The following NEK11 variants were observed in gnomAD, a reference collection of about 807,000 sequenced individuals.
NEK11 encodes serine/threonine-protein kinase Nek11.
A neutral mutation model predicts 80.7 loss-of-function variants in NEK11; 72 were observed. The observed-to-expected ratio is 0.89, with a 90% CI of 0.74 to 1.08. NEK11 has a LOEUF of 1.08. Among genes scored for constraint, NEK11 ranks in the 50% least tolerant of loss-of-function variants. The pLI is 0.00. For missense variants in NEK11, 764 were observed against 763.6 expected (o/e 1.00, Z -0.01); for synonymous variants, 251 against 260.7 (o/e 0.96, Z 0.36).
At chr3:131,301,902 AT>A in intron 17 of NEK11, among the ~76,000 whole-genome samples, 1 of 152,010 alleles carries the variant, frequency 6.6e-6, no homozygotes, top group Non-Finnish European at 1.5e-5. Context: ...CTCCTCCTTA[AT>A]TTTTTGGAAT....
At chr3:131,244,589 C>T (rs1420420934) in intron 16 of NEK11, among the ~76,000 whole-genome samples, 1 of 151,942 alleles carries the variant, frequency 6.6e-6, no homozygotes, top group Non-Finnish European at 1.5e-5. Flanking sequence ...CAGAGTCTAA[C>T]ACTGTGTCTG....
chr3:131,152,634 G>A lies in NEK11; in HGVS notation c.801G>A (p.Met267Ile), dbSNP rs1323662645. ...PKELNAIMES[M>I]LNKNPSLRPS... ...ATTTTCTGTTTAAACATTACAGCAT[G>A]TTGAACAAGAATCCTTCATTAAGAC... The change falls in exon 9 of 18, where the codon ATG (methionine) becomes ATA (isoleucine). Residue 267 changes from methionine (M) to isoleucine (I), a missense_variant. Physicochemically the swap from Met to Ile is conservative, Grantham distance 10. Transcript: ENST00000383366. The A allele has an allele frequency of 2.5e-6, 4 of 1,612,956 alleles. No homozygotes were observed. Among genetic ancestry groups the A allele is most frequent in the Non-Finnish European group, 3.4e-6 (4 of 1,179,518 alleles).
intron 7 of NEK11, among the ~76,000 whole-genome samples, chr3:131,143,136 TAAG>T (rs1195739794): frequency 6.6e-6 from 1 of 152,186 alleles, no homozygotes; most frequent in African/African-American, 2.4e-5. Flanking sequence ...TTTGTAGAAA[TAAG>T]AACATTTCTA....
intron 14 of NEK11, among the ~76,000 whole-genome samples, chr3:131,196,776 C>T (rs1350187098): frequency 2.0e-5 from 3 of 151,954 alleles, no homozygotes; most frequent in Non-Finnish European, 4.4e-5. Flanking sequence ...TGTGATCCGC[C>T]CTCCCAAAGT....
intron 17 of NEK11, chr3:131,329,992 G>A (rs889516834): frequency 1.3e-5 from 2 of 152,318 alleles, no homozygotes; most frequent in African/African-American, 4.8e-5. Context: ...ACAATAGACT[G>A]TAGAGTAGTG....
intron 3 of NEK11, among the ~76,000 whole-genome samples, chr3:131,057,732 G>GT (rs1224531805): frequency 6.6e-6 from 1 of 151,310 alleles, no homozygotes; most frequent in Non-Finnish European, 1.5e-5. Flanking sequence ...TTTTGATGGG[G>GT]TTGTTTGTTT....
chr3:131,227,994 A>G (rs1190480067), intron 14 of NEK11, among the ~76,000 whole-genome samples: 1 of 152,172 alleles, frequency 6.6e-6, no homozygotes, highest in Non-Finnish European at 1.5e-5. Flanking sequence ...ATTACCTGTT[A>G]GAAAAGAATT....
intron 14 of NEK11, among the ~76,000 whole-genome samples, chr3:131,215,562 A>T (rs1171747008): frequency 6.6e-6 from 1 of 152,134 alleles, no homozygotes; most frequent in Non-Finnish European, 1.5e-5. Flanking sequence ...GTGCATGTAG[A>T]TATGGTGTAA....
chr3:131,146,472 T>C (rs2088298969), intron 7 of NEK11, among the ~76,000 whole-genome samples: 2 of 152,102 alleles, frequency 1.3e-5, no homozygotes, highest in African/African-American at 4.8e-5. Context: ...AATGAGCAAA[T>C]CTTTATAGTC....
intron 5 of NEK11, among the ~76,000 whole-genome samples, chr3:131,119,285 T>C (rs2149446712): frequency 6.6e-6 from 1 of 152,316 alleles, no homozygotes; most frequent in Non-Finnish European, 1.5e-5. Flanking sequence ...CGGTTTTGAG[T>C]GAGTTTCTTA....
chr3:131,117,010 G>A (rs972987105), intron 5 of NEK11, among the ~76,000 whole-genome samples: 2 of 152,174 alleles, frequency 1.3e-5, no homozygotes, highest in Admixed American at 6.5e-5. Context: ...TTTGGCTTTT[G>A]TTGCCATTGC....
Position 131,228,522 on chromosome 3 carries a change from T to C in NEK11, c.1400-6T>C. The C allele has an allele frequency of 6.3e-7, 1 of 1,599,756 alleles. No individual in the cohort carries two copies. The highest frequency in any genetic ancestry group is 8.5e-7 in the Non-Finnish European group (1 of 1,173,224). On this transcript the variant is annotated splice_region_variant and splice_polypyrimidine_tract_variant and intron_variant, in intron 14 of 17. Coordinates refer to ENST00000383366, the MANE Select transcript of NEK11 (RefSeq NM_024800.5). The stretch of plus-strand genomic sequence containing the variant: ...GTAGTATCTGACTGTTTGTTCATTA[T>C]TTCAGAGATCCCAGAAGACCCACTT...
chr3:131,233,510 T>C (rs2095373712), intron 15 of NEK11, among the ~76,000 whole-genome samples: 1 of 152,110 alleles, frequency 6.6e-6, no homozygotes, highest in Non-Finnish European at 1.5e-5. Flanking sequence ...CAAACTAGAA[T>C]TTAACTGGCT....
chr3:131,243,801 C>G (rs2095554520), intron 16 of NEK11, among the ~76,000 whole-genome samples: 1 of 152,086 alleles, frequency 6.6e-6, no homozygotes, highest in African/African-American at 2.4e-5. Context: ...AAAAAGGAAC[C>G]TCCCTACCTA....
At chr3:131,144,868 T>C (rs575215721) in intron 7 of NEK11, among the ~76,000 whole-genome samples, 1 of 152,294 alleles carries the variant, frequency 6.6e-6, no homozygotes, top group East Asian at 1.9e-4. Flanking sequence ...GTAATTGCAC[T>C]GCATACTACA....
chr3:131,063,468 A>C (rs1355556940), intron 3 of NEK11, among the ~76,000 whole-genome samples: 1 of 152,196 alleles, frequency 6.6e-6, no homozygotes, highest in Non-Finnish European at 1.5e-5. Context: ...CTTGGAGGGC[A>C]ACTGTCCTTT....
chr3:131,116,325 A>G (rs2081226061), intron 5 of NEK11, among the ~76,000 whole-genome samples: 1 of 152,184 alleles, frequency 6.6e-6, no homozygotes, highest in Non-Finnish European at 1.5e-5. Flanking sequence ...TTATGGCTGC[A>G]TAGTATTCCA....
intron 16 of NEK11, among the ~76,000 whole-genome samples, chr3:131,255,398 G>C (rs2095798140): frequency 6.6e-6 from 1 of 152,020 alleles, no homozygotes. Context: ...CACTCTCCTT[G>C]TTTGTTAAAG....
At chr3:131,085,639 A>G (rs2075876126) in intron 4 of NEK11, among the ~76,000 whole-genome samples, 1 of 152,168 alleles carries the variant, frequency 6.6e-6, no homozygotes, top group South Asian at 2.1e-4. Flanking sequence ...ATTTCAGCTA[A>G]ATGGAATGAT....
Sources: gnomAD v4.1 joint callset for allele counts (sites outside exome capture counted in the v4.1 genomes callset) on GRCh38, gnomAD v4.1.1 for gene constraint, MANE v1.5 for transcripts, NCBI Gene and HGNC (gene_info 2026-07-23, HGNC 2026-07-21) for gene names.